The following ZNF280D variants were observed in gnomAD, a reference collection of about 807,000 sequenced individuals.
ZNF280D encodes the protein zinc finger protein 280D.
A neutral mutation model predicts 94.7 loss-of-function variants in ZNF280D; 39 were observed. The observed-to-expected ratio is 0.41, with a 90% CI of 0.32 to 0.54. The LOEUF (loss-of-function observed/expected upper bound fraction) is 0.54, where lower values mean the gene tolerates loss of function less well. Ranked by LOEUF, ZNF280D falls within the 20% of genes least tolerant of loss-of-function variation. The probability of loss-of-function intolerance (pLI) is 0.22; values close to 1 mark genes in which losing one functional copy is unlikely to be tolerated. For missense variants in ZNF280D, 1,090 were observed against 1,149.3 expected, an observed-to-expected ratio of 0.95 and a Z score of 0.75; for synonymous variants, 398 against 377.6, an observed-to-expected ratio of 1.05 and a Z score of -0.63.
chr15:56,720,975 G>GC (rs1555428081), intron 1 of ZNF280D, among the ~76,000 whole-genome samples: 36 of 90,492 alleles, frequency 4.0e-4, no homozygotes, highest in South Asian at 9.7e-4. Context: ...TTTTTTGGGG[G>GC]GGGGGGGGAC....
intron 10 of ZNF280D, among the ~76,000 whole-genome samples, chr15:56,681,512 C>T (rs558596014): frequency 6.6e-6 from 1 of 152,178 alleles, no homozygotes; most frequent in South Asian, 2.1e-4. Flanking sequence ...TGCTTAATAT[C>T]TGAAAATTTT....
At chr15:56,716,358 AGTT>A (rs2058041980) in intron 1 of ZNF280D, among the ~76,000 whole-genome samples, 1 of 152,166 alleles carries the variant, frequency 6.6e-6, no homozygotes, top group Admixed American at 6.6e-5. Context: ...GTGATAATTA[AGTT>A]GTTATTTGAA....
chr15:56,658,073 G>A (rs2053668011), intron 17 of ZNF280D, among the ~76,000 whole-genome samples: 1 of 152,124 alleles, frequency 6.6e-6, no homozygotes, highest in African/African-American at 2.4e-5. Flanking sequence ...AAAACATTAT[G>A]CTAAATGAAA....
At chr15:56,662,815 A>G (rs1263190747) in intron 16 of ZNF280D, among the ~76,000 whole-genome samples, 7 of 145,998 alleles carry the variant, frequency 4.8e-5, no homozygotes. Flanking sequence ...CAGGTGACAG[A>G]GCAAGACTCT....
In ZNF280D at chr15:56,733,491, T is replaced by TGAGGAGGAGGAGAAA; in HGVS notation, c.-134_-120dup. 3.5e-6 allele frequency: 4 copies of TGAGGAGGAGGAGAAA among 1,136,018 alleles called. No individual in the cohort carries two copies. Among genetic ancestry groups the TGAGGAGGAGGAGAAA allele is most frequent in the Non-Finnish European group, 4.4e-6 (4 of 915,532 alleles). The allele number at this position is 1,136,018 out of a possible 1,614,324, so 70.4% of individuals were successfully genotyped here. A position where few individuals can be genotyped will look rare whatever the true frequency, so the allele number is the denominator to read the frequency against. On this transcript the variant is annotated 5_prime_UTR_variant, in exon 1 of 22. Coordinates refer to ENST00000267807, the MANE Select transcript of ZNF280D (RefSeq NM_017661.4). ...GAGCGGATCGGCCTGACTGGAGCCC[T>TGAGGAGGAGGAGAAA]GAGGAGGAGGAGAAAGAGGAGGAGG...
chr15:56,633,298 G>C (rs1349662566), intron 21 of ZNF280D, among the ~76,000 whole-genome samples: 4 of 151,792 alleles, frequency 2.6e-5, no homozygotes, highest in Non-Finnish European at 4.4e-5. Flanking sequence ...TTTGTCTTTA[G>C]ACTATTCCTA....
chr15:56,643,172 A>T, intron 19 of ZNF280D, 175 bp from the exon 20 acceptor site: 1 of 392,384 alleles, frequency 2.5e-6, no homozygotes, highest in Non-Finnish European at 4.6e-6. Flanking sequence ...AGTTAAACGT[A>T]TGAGACTAAA....
intron 1 of ZNF280D, among the ~76,000 whole-genome samples, chr15:56,731,071 T>C (rs749802431): frequency 6.6e-6 from 1 of 152,180 alleles, no homozygotes; most frequent in African/African-American, 2.4e-5. Context: ...CCTAAATATA[T>C]TCAAGCCTTT....
At chr15:56,668,624 A>G (rs539063250) in intron 14 of ZNF280D, among the ~76,000 whole-genome samples, 199 bp downstream of exon 14, 1 of 152,216 alleles carries the variant, frequency 6.6e-6, no homozygotes, top group Admixed American at 6.6e-5. Context: ...AAAAAGGACT[A>G]CTACTCTAAC....
intron 10 of ZNF280D, among the ~76,000 whole-genome samples, chr15:56,679,927 G>A (rs1443590785): frequency 6.6e-6 from 1 of 152,088 alleles, no homozygotes; most frequent in Non-Finnish European, 1.5e-5. Context: ...AAATATTTAC[G>A]TTTAGAGTAA....
At chr15:56,655,636 T>G (rs1395504235) in intron 17 of ZNF280D, among the ~76,000 whole-genome samples, 3 of 152,360 alleles carry the variant, frequency 2.0e-5, no homozygotes, top group African/African-American at 7.2e-5. Flanking sequence ...GATCTAACTG[T>G]TTAGCATTTG....
chr15:56,652,964 C>A, intron 19 of ZNF280D: 1 of 912,664 alleles, frequency 1.1e-6, no homozygotes, highest in Non-Finnish European at 1.3e-6. Context: ...AAATAGACAT[C>A]ATAAAATAGA....
At chr15:56,731,824 TC>T (rs1596736646) in intron 1 of ZNF280D, among the ~76,000 whole-genome samples, 1 of 152,164 alleles carries the variant, frequency 6.6e-6, no homozygotes, top group East Asian at 1.9e-4. Context: ...TATTTAACTT[TC>T]CAATATTTTC....
chr15:56,647,981 T>C (rs1416898366), intron 19 of ZNF280D, among the ~76,000 whole-genome samples: 1 of 152,226 alleles, frequency 6.6e-6, no homozygotes, highest in East Asian at 1.9e-4. Context: ...GAGATTATAT[T>C]ATTCAACTAC....
At chr15:56,691,290 T>G (rs2056407306) in intron 7 of ZNF280D, among the ~76,000 whole-genome samples, 3 of 152,166 alleles carry the variant, frequency 2.0e-5, no homozygotes, top group Admixed American at 1.3e-4. Context: ...TAAAAATGAT[T>G]TTTTTCCATC....
intron 1 of ZNF280D, among the ~76,000 whole-genome samples, chr15:56,722,617 T>A (rs1163906003): frequency 1.3e-5 from 2 of 152,222 alleles, no homozygotes; most frequent in East Asian, 3.8e-4. Context: ...GGAACACTTT[T>A]ACACTGTTGG....
At chr15:56,675,140 A>G (rs898081793) in intron 13 of ZNF280D, among the ~76,000 whole-genome samples, 7 of 152,016 alleles carry the variant, frequency 4.6e-5, no homozygotes, top group Non-Finnish European at 7.4e-5. Flanking sequence ...AGCCATGGCA[A>G]GTTAAAACAT....
intron 16 of ZNF280D, among the ~76,000 whole-genome samples, chr15:56,663,160 G>A (rs1403226057): frequency 1.3e-5 from 2 of 151,032 alleles, no homozygotes; most frequent in South Asian, 2.1e-4. Context: ...GTGCATGCCT[G>A]TAAGTCCCAG....
At chr15:56,660,176 C>T (rs576022583) in intron 16 of ZNF280D, among the ~76,000 whole-genome samples, 277 of 152,198 alleles carry the variant, frequency 1.8e-3, no homozygotes, top group Non-Finnish European at 2.7e-3. Flanking sequence ...AACTATATTT[C>T]CTCAGAGAAA....
Sources: allele counts gnomAD v4.1 joint callset (sites outside exome capture counted in the v4.1 genomes callset), GRCh38; gene constraint gnomAD v4.1.1; transcripts MANE v1.5; gene names NCBI Gene and HGNC (gene_info 2026-07-23, HGNC 2026-07-21).